The following CR1 variants were observed in gnomAD, a reference collection of about 807,000 sequenced individuals.
CR1 encodes complement C3b/C4b receptor 1 (Knops blood group), also known as complement receptor type 1.
Under a neutral mutation model 187.3 loss-of-function variants are expected in CR1, and 116 were observed. That is an observed-to-expected ratio of 0.62 (90% confidence interval 0.53 to 0.72). The LOEUF (loss-of-function observed/expected upper bound fraction) is 0.72, where lower values mean the gene tolerates loss of function less well. Ranked by LOEUF, CR1 falls within the 30% of genes least tolerant of loss-of-function variation. The pLI, the probability that CR1 is intolerant of heterozygous loss-of-function variation, is 0.00. For synonymous variants in CR1, 576 were observed against 747.1 expected (o/e 0.77, Z 3.73); for missense variants, 1,731 against 2,110.7 (o/e 0.82, Z 3.52).
intron 31 of CR1, among the ~76,000 whole-genome samples, chr1:207,581,206 ACG>A (rs1328556004): frequency 3.4e-5 from 5 of 145,898 alleles, no homozygotes; most frequent in African/African-American, 1.0e-4. Flanking sequence ...GTATATGTAG[ACG>A]TATACATATG....
At chr1:207,567,304 A>G (rs1660532232) in intron 24 of CR1, among the ~76,000 whole-genome samples, 1 of 149,252 alleles carries the variant, frequency 6.7e-6, no homozygotes, top group Non-Finnish European at 1.5e-5. Context: ...CTATGTTTCA[A>G]TTCACTGTGA....
At chr1:207,582,600 C>T (rs750831814) in intron 32 of CR1, among the ~76,000 whole-genome samples, 1 of 152,144 alleles carries the variant, frequency 6.6e-6, no homozygotes, top group African/African-American at 2.4e-5. Flanking sequence ...ACCCAAAAGG[C>T]AAGTGTAGCC....
intron 31 of CR1, 126 bp downstream of exon 31, chr1:207,580,739 T>C: frequency 1.1e-6 from 1 of 875,082 alleles, no homozygotes; most frequent in South Asian, 1.8e-5. Flanking sequence ...CCTCTGGAAG[T>C]GTAGCTTTAA....
chr1:207,626,734 A>G (rs757087964), intron 45 of CR1, among the ~76,000 whole-genome samples: 8 of 152,196 alleles, frequency 5.3e-5, no homozygotes, highest in Non-Finnish European at 8.8e-5. Flanking sequence ...CAGTCTGAAG[A>G]CTTACTAAGA....
chr1:207,520,095 T>G (rs1659928255), intron 4 of CR1, among the ~76,000 whole-genome samples: 2 of 152,244 alleles, frequency 1.3e-5, no homozygotes, highest in African/African-American at 4.8e-5. Flanking sequence ...TACACCTTAG[T>G]GAATTCTTAG....
At chr1:207,585,440 CAG>C (rs1661084878) in intron 33 of CR1, among the ~76,000 whole-genome samples, 1 of 152,164 alleles carries the variant, frequency 6.6e-6, no homozygotes. Flanking sequence ...CTGTTCCACT[CAG>C]GGGGTAAGAA....
chr1:207,603,928 A>G (rs1298982782), intron 35 of CR1, among the ~76,000 whole-genome samples: 1 of 152,182 alleles, frequency 6.6e-6, no homozygotes, highest in Non-Finnish European at 1.5e-5. Context: ...TACACAAGAG[A>G]CAAGATTTGC....
intron 24 of CR1, 125 bp downstream of exon 24, chr1:207,566,048 AT>A: frequency 7.7e-7 from 1 of 1,298,106 alleles, no homozygotes; most frequent in Non-Finnish European, 1.1e-6. Context: ...AAAATAGTTT[AT>A]TTTAATAATG....
intron 32 of CR1, 52 bp from the exon 33 acceptor site, chr1:207,584,597 G>T: frequency 5.0e-6 from 8 of 1,588,742 alleles, no homozygotes; most frequent in Non-Finnish European, 6.9e-6. Context: ...AATCACCTTG[G>T]ATTATACTTT....
intron 45 of CR1, among the ~76,000 whole-genome samples, chr1:207,626,965 G>A (rs959476865): frequency 6.6e-6 from 1 of 152,176 alleles, no homozygotes; most frequent in African/African-American, 2.4e-5. Flanking sequence ...TTGAACCCAG[G>A]AGGTGGAGGT....
In CR1 at chr1:207,609,811, C is replaced by T. The variant is rs1227200381; in HGVS notation, c.6295+123C>T. ...TGGCATAAACATAATAGTAGCTTCACTGTCTGTTATCTCTGTTAATAATTG... is the reference window on the plus strand; with the variant it reads ...TGGCATAAACATAATAGTAGCTTCATTGTCTGTTATCTCTGTTAATAATTG... On this transcript the variant is annotated intron_variant, in intron 37 of 46. Coordinates refer to ENST00000367049, the MANE Select transcript of CR1 (RefSeq NM_000651.6). 6.1e-6 allele frequency: 6 copies of T among 987,758 alleles called. No homozygotes were observed. The African/African-American group carries it at 8.3e-5, about 14-fold the overall frequency. The allele number at this position is 987,758 out of a possible 1,614,324, so 61.2% of individuals were successfully genotyped here. A position where few individuals can be genotyped will look rare whatever the true frequency, so the allele number is the denominator to read the frequency against.
intron 1 of CR1, among the ~76,000 whole-genome samples, chr1:207,500,146 C>G (rs751871181): frequency 6.6e-5 from 10 of 152,312 alleles, no homozygotes; most frequent in South Asian, 2.1e-4. Flanking sequence ...AACAGAGAGA[C>G]TCAATGTGAC....
At chr1:207,526,627 A>G (rs1159460295) in intron 5 of CR1, 126 bp from the exon 6 acceptor site, 7 of 1,450,044 alleles carry the variant, frequency 4.8e-6, no homozygotes, top group Non-Finnish European at 6.4e-6. Flanking sequence ...TTATCAATGT[A>G]ATAAGGCTGT....
At chr1:207,620,494 G>T (rs1662284254) in intron 43 of CR1, among the ~76,000 whole-genome samples, 1 of 152,288 alleles carries the variant, frequency 6.6e-6, no homozygotes, top group African/African-American at 2.4e-5. Flanking sequence ...GAGCTCTGTA[G>T]AAGAGTAGCC....
At chr1:207,582,781 T>G (rs1460576843) in intron 32 of CR1, among the ~76,000 whole-genome samples, 1 of 152,050 alleles carries the variant, frequency 6.6e-6, no homozygotes, top group Non-Finnish European at 1.5e-5. Context: ...TTAGCTTAGA[T>G]AGAGGGTGTG....
At chr1:207,512,780 GA>G (rs1659661856) in intron 4 of CR1, among the ~76,000 whole-genome samples, 1 of 152,070 alleles carries the variant, frequency 6.6e-6, no homozygotes, top group Non-Finnish European at 1.5e-5. Flanking sequence ...AATTTTCCTG[GA>G]AATATGAAAA....
chr1:207,573,347 T>A (rs1660636739), intron 27 of CR1, among the ~76,000 whole-genome samples: 1 of 152,180 alleles, frequency 6.6e-6, no homozygotes, highest in Non-Finnish European at 1.5e-5. Flanking sequence ...GCACCTAGAA[T>A]CTGACAAAAA....
intron 3 of CR1, among the ~76,000 whole-genome samples, chr1:207,508,586 G>A (rs1232424225): frequency 1.3e-5 from 2 of 152,124 alleles, no homozygotes; most frequent in African/African-American, 4.8e-5. Flanking sequence ...GATTATAACT[G>A]TTTCAATATC....
At chr1:207,515,486 C>A (rs1351159400) in intron 4 of CR1, among the ~76,000 whole-genome samples, 1 of 151,872 alleles carries the variant, frequency 6.6e-6, no homozygotes, top group Non-Finnish European at 1.5e-5. Flanking sequence ...AAAGAAACCA[C>A]TATTCTGATT....
Sources: gnomAD v4.1 joint callset for allele counts (sites outside exome capture counted in the v4.1 genomes callset) on GRCh38, gnomAD v4.1.1 for gene constraint, MANE v1.5 for transcripts, NCBI Gene and HGNC (gene_info 2026-07-23, HGNC 2026-07-21) for gene names.